The following PDE4D variants were observed in gnomAD, a reference collection of about 807,000 sequenced individuals.
PDE4D encodes the protein phosphodiesterase 4D.
PDE4D carries 24 observed loss-of-function variants against 87.4 expected under a neutral mutation model. The ratio of observed to expected loss-of-function variants is 0.27; its 90% CI spans 0.20 to 0.39. PDE4D has a LOEUF of 0.39. Ranked by LOEUF, PDE4D falls within the 10% of genes least tolerant of loss-of-function variation. The pLI is 1.00. For missense variants in PDE4D, 714 were observed against 1,041.0 expected (o/e 0.69, Z 4.32); for synonymous variants, 384 against 383.2 (o/e 1.00, Z -0.02).
intron 1 of PDE4D, among the ~76,000 whole-genome samples, chr5:60,233,194 C>T (rs890662608): frequency 9.5e-5 from 14 of 147,938 alleles, no homozygotes; most frequent in African/African-American, 3.3e-4. Flanking sequence ...CACACACACA[C>T]ATACACACAC....
chr5:59,732,109 G>T (rs1757441370), intron 1 of PDE4D, among the ~76,000 whole-genome samples: 1 of 152,004 alleles, frequency 6.6e-6, no homozygotes, highest in Non-Finnish European at 1.5e-5. Context: ...TAATGAAAAA[G>T]CAAATAATTC....
At chr5:60,003,098 T>G (rs1764157818) in intron 2 of PDE4D, among the ~76,000 whole-genome samples, 1 of 152,154 alleles carries the variant, frequency 6.6e-6, no homozygotes, top group Non-Finnish European at 1.5e-5. Context: ...GTTGCACTTC[T>G]ATATACTAAC....
intron 1 of PDE4D, among the ~76,000 whole-genome samples, chr5:60,378,180 T>A (rs1180616381): frequency 6.6e-6 from 1 of 152,222 alleles, no homozygotes; most frequent in African/African-American, 2.4e-5. Flanking sequence ...AATACACTGG[T>A]ATTTCAATAA....
chr5:60,433,462 C>T (rs372915305), intron 1 of PDE4D, among the ~76,000 whole-genome samples: 41 of 152,318 alleles, frequency 2.7e-4, no homozygotes, highest in African/African-American at 9.9e-4. Flanking sequence ...AATATTTATA[C>T]ACTGCTAGTG....
At chr5:60,435,367 C>A (rs188457941) in intron 1 of PDE4D, among the ~76,000 whole-genome samples, 1 of 152,024 alleles carries the variant, frequency 6.6e-6, no homozygotes, top group Non-Finnish European at 1.5e-5. Flanking sequence ...TAACATATAA[C>A]TTAAATGTTT....
At position 59,946,579 on chromosome 5, in the gene PDE4D, C is replaced by A. The variant is rs931998928; in HGVS notation, c.272+41909G>T. Among the ~76,000 whole-genome samples the A allele has an allele frequency of 9.2e-5, 14 of 152,272 alleles. No individual in the cohort carries two copies. In the South Asian group the frequency reaches 2.9e-3, roughly 32 times the overall value. ...GCATTGAAGAAGGACACCCATTTTT[C>A]TAACTTTATTGAAAGATTATTCAAC... On this transcript the variant is annotated intron_variant, in intron 3 of 16. Transcript: ENST00000502484.
intron 1 of PDE4D, among the ~76,000 whole-genome samples, chr5:60,260,104 G>C (rs1286549096): frequency 1.3e-5 from 2 of 151,560 alleles, no homozygotes; most frequent in East Asian, 3.9e-4. Flanking sequence ...TTTAATCTTT[G>C]CCTCCCCATC....
intron 1 of PDE4D, among the ~76,000 whole-genome samples, chr5:59,337,425 G>A (rs558088320): frequency 2.2e-4 from 32 of 144,636 alleles, no homozygotes; most frequent in African/African-American, 7.4e-4. Flanking sequence ...TCCGTCCCCC[G>A]GGGTTCACGC....
At chr5:60,084,484 G>A (rs780501040) in intron 2 of PDE4D, among the ~76,000 whole-genome samples, 2 of 151,850 alleles carry the variant, frequency 1.3e-5, no homozygotes, top group Non-Finnish European at 2.9e-5. Flanking sequence ...AAAAGTGATT[G>A]GTCTTCTTTC....
At chr5:59,508,926 A>C (rs1422881784) in intron 1 of PDE4D, among the ~76,000 whole-genome samples, 1 of 152,038 alleles carries the variant, frequency 6.6e-6, no homozygotes. Context: ...AGCAAGGTTA[A>C]GATAGGTGAA....
intron 1 of PDE4D, among the ~76,000 whole-genome samples, chr5:59,263,813 T>C (rs1762412470): frequency 6.6e-6 from 1 of 151,898 alleles, no homozygotes; most frequent in African/African-American, 2.4e-5. Context: ...GGATCACTAT[T>C]ATTTTTAGTA....
chr5:59,988,668 C>T (rs138291801), exon 3 of PDE4D: 48 of 1,598,804 alleles, frequency 3.0e-5, no homozygotes, highest in Middle Eastern at 1.7e-4. Context: ...TTCCATTCCG[C>T]GGAAAGGGTC....
chr5:60,462,534 A>G (rs1312181163), intron 1 of PDE4D, among the ~76,000 whole-genome samples: 1 of 152,122 alleles, frequency 6.6e-6, no homozygotes, highest in East Asian at 1.9e-4. Context: ...CAGTGATCCA[A>G]AGAAAAATCT....
intron 1 of PDE4D, among the ~76,000 whole-genome samples, chr5:59,756,199 T>C (rs1761192581): frequency 6.6e-6 from 1 of 151,928 alleles, no homozygotes; most frequent in Non-Finnish European, 1.5e-5. Context: ...TTTGCAAATT[T>C]CTCAAAATCT....
At chr5:59,253,023 A>T (rs1760280747) in intron 1 of PDE4D, among the ~76,000 whole-genome samples, 1 of 152,140 alleles carries the variant, frequency 6.6e-6, no homozygotes, top group Non-Finnish European at 1.5e-5. Flanking sequence ...CATCATCATC[A>T]CTGAAGTCAC....
intron 1 of PDE4D, among the ~76,000 whole-genome samples, chr5:59,380,159 T>C (rs1369580249): frequency 6.6e-6 from 1 of 152,170 alleles, no homozygotes; most frequent in African/African-American, 2.4e-5. Flanking sequence ...TCTGTCAATA[T>C]ACATTATTAT....
At chr5:59,320,867 A>G (rs1774594743) in intron 1 of PDE4D, among the ~76,000 whole-genome samples, 1 of 151,982 alleles carries the variant, frequency 6.6e-6, no homozygotes, top group South Asian at 2.1e-4. Flanking sequence ...CCACCAACCA[A>G]TCAGCAACAA....
chr5:59,486,967 A>G (rs2153658542), intron 1 of PDE4D, among the ~76,000 whole-genome samples: 1 of 152,330 alleles, frequency 6.6e-6, no homozygotes, highest in African/African-American at 2.4e-5. Flanking sequence ...TTATTTTGCA[A>G]AAATAGTTAA....
intron 1 of PDE4D, among the ~76,000 whole-genome samples, chr5:59,328,350 AAC>A (rs749912606): frequency 3.3e-5 from 5 of 152,180 alleles, no homozygotes; most frequent in Non-Finnish European, 5.9e-5. Flanking sequence ...ACATATATGA[AAC>A]ACTGGCACAA....
Sources: allele counts gnomAD v4.1 joint callset (sites outside exome capture counted in the v4.1 genomes callset), GRCh38; gene constraint gnomAD v4.1.1; transcripts MANE v1.5; gene names NCBI Gene and HGNC (gene_info 2026-07-23, HGNC 2026-07-21).